The following SLC25A26 variants were observed in gnomAD, a reference collection of about 807,000 sequenced individuals.
SLC25A26 encodes solute carrier family 25 member 26, also known as mitochondrial S-adenosylmethionine carrier protein.
In SLC25A26, 36 loss-of-function variants were observed where a neutral mutation model predicts 37.8. The observed-to-expected ratio is 0.95, with a 90% confidence interval of 0.73 to 1.26. SLC25A26 has a LOEUF of 1.26. Ranked by LOEUF, SLC25A26 falls within the 50% of genes most tolerant of loss-of-function variation. The probability of loss-of-function intolerance (pLI) is 0.00; values close to 1 mark genes in which losing one functional copy is unlikely to be tolerated. For synonymous variants in SLC25A26, 129 were observed against 122.5 expected (o/e 1.05, Z -0.35); for missense variants, 390 against 331.1 (o/e 1.18, Z -1.38).
chr3:66,246,706 C>A (rs2072859087), intron 3 of SLC25A26, among the ~76,000 whole-genome samples: 1 of 152,116 alleles, frequency 6.6e-6, no homozygotes, highest in African/African-American at 2.4e-5. Flanking sequence ...GGTCCCTGAG[C>A]TGGTAAGGCC....
intron 1 of SLC25A26, among the ~76,000 whole-genome samples, chr3:66,140,178 T>C (rs2070012759): frequency 6.6e-6 from 1 of 152,210 alleles, no homozygotes; most frequent in Non-Finnish European, 1.5e-5. Context: ...GTATTAACAC[T>C]TGCAAGTACA....
At position 66,221,421 on chromosome 3, in the gene SLC25A26, C is replaced by T. The variant is rs542124083; in HGVS notation, c.33+294C>T. Among the ~76,000 whole-genome samples, 10 of 152,318 alleles carry T rather than the reference C, an allele frequency of 6.6e-5. 1 individual carries two copies. In the South Asian group the frequency reaches 2.1e-3, roughly 32 times the overall value. ...CTTCTATTATACACTGTTAACTACT[C>T]TTTCATTAAATAGTGTAACTACTCT... is the stretch of plus-strand genomic sequence containing the variant. On this transcript the variant is annotated intron_variant, in intron 1 of 9. Coordinates refer to ENST00000354883, the MANE Select transcript of SLC25A26 (RefSeq NM_001379210.1).
intron 1 of SLC25A26, among the ~76,000 whole-genome samples, chr3:66,214,228 T>G (rs2071327906): frequency 1.3e-5 from 2 of 152,088 alleles, no homozygotes; most frequent in African/African-American, 2.4e-5. Context: ...GCAGCTATCT[T>G]TCTACCTCTC....
intron 1 of SLC25A26, among the ~76,000 whole-genome samples, chr3:66,206,496 A>G (rs1221836831): frequency 6.6e-6 from 1 of 152,200 alleles, no homozygotes; most frequent in Non-Finnish European, 1.5e-5. Context: ...GGATGTCTGT[A>G]TAATTGGCAT....
chr3:66,331,916 T>G (rs538388796), intron 5 of SLC25A26, among the ~76,000 whole-genome samples: 4 of 151,972 alleles, frequency 2.6e-5, no homozygotes, highest in African/African-American at 9.7e-5. Context: ...AGCCAAAAAG[T>G]TTTTTGTTTT....
At chr3:66,227,891 A>C (rs2071830789) in intron 1 of SLC25A26, among the ~76,000 whole-genome samples, 1 of 152,178 alleles carries the variant, frequency 6.6e-6, no homozygotes, top group Admixed American at 6.5e-5. Context: ...TACTATTAAA[A>C]GAGGTTTTCT....
At chr3:66,243,516 A>T (rs1394395865) in intron 3 of SLC25A26, among the ~76,000 whole-genome samples, 1 of 152,224 alleles carries the variant, frequency 6.6e-6, no homozygotes, top group African/African-American at 2.4e-5. Flanking sequence ...CAGAAGAAGA[A>T]TTCTAGCTAT....
chr3:66,250,964 G>C (rs12497399), intron 3 of SLC25A26, among the ~76,000 whole-genome samples: 32,913 of 152,048 alleles, frequency 0.22, 3,932 homozygotes, highest in Admixed American at 0.28. Flanking sequence ...TTGTGTTTGT[G>C]GCAGGGCAGC....
Position 66,209,922 on chromosome 3 carries a change from A to C in SLC25A26, c.-353-10820A>C, listed in dbSNP as rs1225006865. On this transcript the variant is annotated intron_variant, in intron 1 of 10. Transcript: ENST00000676754. ...TTTATATATATATATATATATATAT[A>C]TATATATATATATATATATATATAT... Among the ~76,000 whole-genome samples, 366 of 68,268 alleles carry C rather than the reference A, an allele frequency of 5.4e-3. 51 individuals are homozygous for C. Among genetic ancestry groups the C allele is most frequent in the East Asian group, 0.023 (59 of 2,566 alleles). 44.8% of individuals were successfully genotyped at this position (68,268 alleles called of 152,430 possible). A position where few individuals can be genotyped will look rare whatever the true frequency, so the allele number is the denominator to read the frequency against.
At chr3:66,156,464 G>A (rs1158491996) in intron 1 of SLC25A26, among the ~76,000 whole-genome samples, 1 of 152,138 alleles carries the variant, frequency 6.6e-6, no homozygotes, top group East Asian at 1.9e-4. Flanking sequence ...GCCAGGGGTG[G>A]GAAGGGTTAT....
chr3:66,236,404 TG>T, intron 1 of SLC25A26, 139 bp from the exon 2 acceptor site: 1 of 509,648 alleles, frequency 2.0e-6, no homozygotes, highest in South Asian at 6.9e-5. Context: ...GACGGTCCTT[TG>T]TGCCGCAGAA....
chr3:66,369,454 G>A (rs1700230816), intron 7 of SLC25A26, 24 bp from the exon 8 acceptor site: 1 of 1,587,698 alleles, frequency 6.3e-7, no homozygotes, highest in East Asian at 2.3e-5. Flanking sequence ...GATCTCACTT[G>A]GGTGTTGGGT....
chr3:66,238,201 C>A (rs1014563794), intron 2 of SLC25A26, among the ~76,000 whole-genome samples: 1 of 152,100 alleles, frequency 6.6e-6, no homozygotes, highest in African/African-American at 2.4e-5. Context: ...GACCCTCGAA[C>A]AATTTGGCAG....
intron 1 of SLC25A26, among the ~76,000 whole-genome samples, chr3:66,191,654 GTGAGGTGGGTGGATCATT>G (rs1175850533): frequency 1.1e-3 from 170 of 150,786 alleles, no homozygotes; most frequent in Non-Finnish European, 2.0e-3. Flanking sequence ...CTTTGGGAGG[GTGAGGTGGGTGGATCATT>G]TGAGGTCAGG....
At chr3:66,237,840 C>T (rs574366307) in intron 2 of SLC25A26, among the ~76,000 whole-genome samples, 8 of 152,248 alleles carry the variant, frequency 5.3e-5, no homozygotes, top group East Asian at 1.9e-4. Context: ...TTTTGTTTTT[C>T]GCAGGATGAT....
At chr3:66,322,033 C>T (rs946490285) in intron 5 of SLC25A26, among the ~76,000 whole-genome samples, 1 of 152,100 alleles carries the variant, frequency 6.6e-6, no homozygotes, top group African/African-American at 2.4e-5. Flanking sequence ...CCATTCCATC[C>T]TGCCTCTCAA....
chr3:66,206,452 G>A (rs1461010969), intron 1 of SLC25A26, among the ~76,000 whole-genome samples: 2 of 152,120 alleles, frequency 1.3e-5, no homozygotes, highest in African/African-American at 2.4e-5. Flanking sequence ...ACTGCCTGGA[G>A]CTGGGCAATG....
chr3:66,303,638 C>G (rs2075136106), intron 5 of SLC25A26, among the ~76,000 whole-genome samples: 1 of 152,152 alleles, frequency 6.6e-6, no homozygotes, highest in African/African-American at 2.4e-5. Flanking sequence ...AGGGGAATGT[C>G]TAGAGGTGCA....
At chr3:66,320,460 T>C (rs762017485) in intron 5 of SLC25A26, among the ~76,000 whole-genome samples, 1 of 152,214 alleles carries the variant, frequency 6.6e-6, no homozygotes, top group Non-Finnish European at 1.5e-5. Flanking sequence ...TGAATAATAT[T>C]ACATGGCATG....
Sources: allele counts gnomAD v4.1 joint callset (sites outside exome capture counted in the v4.1 genomes callset), GRCh38; gene constraint gnomAD v4.1.1; transcripts MANE v1.5; gene names NCBI Gene and HGNC (gene_info 2026-07-23, HGNC 2026-07-21).